The following FBXW8 variants were observed in gnomAD, a reference collection of about 807,000 sequenced individuals.
FBXW8 encodes F-box/WD repeat-containing protein 8.
Under a neutral mutation model 65.3 loss-of-function variants are expected in FBXW8, and 57 were observed. That is an observed-to-expected ratio of 0.87 (90% CI 0.71 to 1.09). The LOEUF (loss-of-function observed/expected upper bound fraction) is 1.09, where lower values mean the gene tolerates loss of function less well. Among genes scored for constraint, FBXW8 ranks in the 50% least tolerant of loss-of-function variants. The pLI, the probability that FBXW8 is intolerant of heterozygous loss-of-function variation, is 0.00. For synonymous variants in FBXW8, 308 were observed against 330.2 expected, an observed-to-expected ratio of 0.93 and a Z score of 0.73; for missense variants, 777 against 814.8, an observed-to-expected ratio of 0.95 and a Z score of 0.57.
Position 116,961,872 on chromosome 12 carries a change from G to A in FBXW8, c.678-2825G>A, listed in dbSNP as rs186277002. Among the ~76,000 whole-genome samples, 86 of 152,300 alleles carry A rather than the reference G, an allele frequency of 5.6e-4. No individual in the cohort carries two copies. Among genetic ancestry groups the A allele is most frequent in the Middle Eastern group, 3.4e-3 (1 of 294 alleles). On this transcript the variant is annotated intron_variant, in intron 4 of 10. Transcript: ENST00000652555. The surrounding 1 kb of genome is among the most constrained non-coding windows in gnomAD (Gnocchi z 4.4). ...AGGTGTTTTGAAGGGCTTGGCTTGT[G>A]GGGGGAGGATTGAATGGAAGAAGCT...
chr12:117,024,019 T>G, intron 8 of FBXW8, 128 bp from the exon 9 acceptor site: 1 of 882,828 alleles, frequency 1.1e-6, no homozygotes, highest in Non-Finnish European at 1.7e-6. Context: ...TTATCGATGT[T>G]TGTTTGCAGC....
chr12:116,926,985 G>T (rs764191798), intron 1 of FBXW8, among the ~76,000 whole-genome samples: 2 of 151,988 alleles, frequency 1.3e-5, no homozygotes, highest in African/African-American at 4.8e-5. Flanking sequence ...ACATAAGACC[G>T]CTGTATTTGA....
chr12:116,912,530 G>C (rs1045447624), intron 1 of FBXW8, among the ~76,000 whole-genome samples: 3 of 148,766 alleles, frequency 2.0e-5, no homozygotes, highest in African/African-American at 7.5e-5. Context: ...CGCGATCTCG[G>C]CTCACTGCAA....
intron 8 of FBXW8, among the ~76,000 whole-genome samples, chr12:117,017,281 A>G (rs1953974609): frequency 1.3e-5 from 2 of 152,250 alleles, no homozygotes. Context: ...GGTCTAGTAG[A>G]CCTCTTCAAG....
At chr12:116,976,985 CTG>C (rs1420177953) in intron 5 of FBXW8, among the ~76,000 whole-genome samples, 7 of 152,166 alleles carry the variant, frequency 4.6e-5, no homozygotes, top group African/African-American at 1.7e-4. Flanking sequence ...GTGATCCACT[CTG>C]GGCACAGGGG....
chr12:116,983,728 C>T (rs1027806009), intron 5 of FBXW8, among the ~76,000 whole-genome samples: 2 of 152,140 alleles, frequency 1.3e-5, no homozygotes, highest in African/African-American at 4.8e-5. Flanking sequence ...TACGGATGAT[C>T]AATAGAAGGG....
Position 116,964,803 on chromosome 12 carries a change from G to GTC in FBXW8, c.787_788dup (p.Phe264ProfsTer3). 6.2e-7 allele frequency: 1 copy of GTC among 1,613,186 alleles called. No individual in the cohort carries two copies. Among genetic ancestry groups the GTC allele is most frequent in the South Asian group, 1.1e-5 (1 of 91,024 alleles). On this transcript the variant is annotated frameshift_variant, in exon 5 of 11. Coordinates refer to ENST00000652555, the MANE Select transcript of FBXW8 (RefSeq NM_153348.3). LOFTEE classifies it high-confidence loss of function. ...GGATGAGCCTGGAATGCAGCCAAAT[G>GTC]TCTCCTTTGTGAGGATAAACAGCTC...
rs1420919925 is a variant in FBXW8, at chr12:116,961,370, A to AG, written c.678-3325dup. On this transcript the variant is annotated intron_variant, in intron 4 of 10. Transcript: ENST00000652555. This position sits in a 1 kb window ranked among gnomAD's most constrained non-coding sequence, Gnocchi z 4.4. ...CCAGGCTGGACCCCACTGGGCTGGG[A>AG]GGTGAGGAGGTGAGGTACTGCAGCA... Among the ~76,000 whole-genome samples the AG allele has an allele frequency of 6.6e-6, 1 of 152,002 alleles. No individual in the cohort carries two copies. The highest frequency in any genetic ancestry group is 1.9e-4 in the East Asian group (1 of 5,172).
chr12:116,937,696 C>G (rs1263789220), intron 2 of FBXW8, among the ~76,000 whole-genome samples: 1 of 151,818 alleles, frequency 6.6e-6, no homozygotes, highest in African/African-American at 2.4e-5. Context: ...GAAACTGAGA[C>G]AGTGAGTGCA....
chr12:117,020,713 G>C (rs988264531), intron 8 of FBXW8, among the ~76,000 whole-genome samples: 1 of 152,192 alleles, frequency 6.6e-6, no homozygotes, highest in Non-Finnish European at 1.5e-5. Context: ...CAGTGTGTTT[G>C]ATGAAACCAC....
chr12:116,955,850 G>A (rs1482539624), intron 4 of FBXW8, among the ~76,000 whole-genome samples: 1 of 152,178 alleles, frequency 6.6e-6, no homozygotes, highest in Non-Finnish European at 1.5e-5. Flanking sequence ...GGTGTCGTTT[G>A]CCATAAGTAG....
chr12:116,921,005 G>C (rs987905965), intron 1 of FBXW8, among the ~76,000 whole-genome samples: 1 of 152,140 alleles, frequency 6.6e-6, no homozygotes, highest in African/African-American at 2.4e-5. Context: ...TCAAAGCAGA[G>C]GCCCAGCCCA....
chr12:117,016,462 G>A (rs927720360), intron 8 of FBXW8, among the ~76,000 whole-genome samples: 7 of 151,828 alleles, frequency 4.6e-5, no homozygotes, highest in African/African-American at 1.7e-4. Context: ...TTTTAATTGG[G>A]CTGTCTTTAT....
Position 116,924,097 on chromosome 12 carries a change from T to C in FBXW8, c.319-3926T>C, listed in dbSNP as rs142433136. ...TCTCTATTTTAATATTTCTAATGTC[T>C]TTAATTCCTTTTCCTTCTTCTTGGA... On this transcript the variant is annotated intron_variant, in intron 1 of 10. Transcript: ENST00000652555. Among the ~76,000 whole-genome samples, 1,414 of 152,120 alleles carry C rather than the reference T, an allele frequency of 9.3e-3. 23 individuals carry two copies. Among genetic ancestry groups the C allele is most frequent in the African/African-American group, 0.032 (1,337 of 41,552 alleles).
Position 116,922,571 on chromosome 12 carries a change from G to T in FBXW8, c.319-5452G>T, listed in dbSNP as rs150719207. On this transcript the variant is annotated intron_variant, in intron 1 of 10. Coordinates refer to ENST00000652555, the MANE Select transcript of FBXW8 (RefSeq NM_153348.3). ...CTGCTTTGGCTCTTAGTAATTATCT[G>T]TTCTTCTATTAAACAAGAGAAGACA... 2.2e-4 allele frequency among the ~76,000 whole-genome samples: 33 copies of T among 152,232 alleles called. No individual in the cohort carries two copies. The East Asian group carries it at 5.6e-3, about 26-fold the overall frequency.
intron 6 of FBXW8, 93 bp from the exon 7 acceptor site, chr12:116,988,570 G>A: frequency 9.3e-7 from 1 of 1,079,560 alleles, no homozygotes; most frequent in Non-Finnish European, 1.4e-6. Flanking sequence ...CTGTTGGGTT[G>A]CTGGTCTTCT....
intron 2 of FBXW8, among the ~76,000 whole-genome samples, chr12:116,935,381 G>C (rs1882083445): frequency 6.6e-6 from 1 of 152,216 alleles, no homozygotes; most frequent in African/African-American, 2.4e-5. Flanking sequence ...AAGTCTGTGT[G>C]AGTCAGGAAT....
intron 7 of FBXW8, among the ~76,000 whole-genome samples, chr12:117,006,231 G>A (rs1275474926): frequency 1.3e-5 from 2 of 152,154 alleles, no homozygotes; most frequent in African/African-American, 2.4e-5. Flanking sequence ...TCATTCATCA[G>A]TATAGGACCA....
intron 5 of FBXW8, chr12:116,979,522 C>A (rs1343732567): frequency 6.6e-6 from 1 of 152,212 alleles, no homozygotes; most frequent in African/African-American, 2.4e-5. Flanking sequence ...TTTATTGGGC[C>A]AGTGGTCCTC....
Sources: allele counts gnomAD v4.1 joint callset (sites outside exome capture counted in the v4.1 genomes callset), GRCh38; gene constraint gnomAD v4.1.1; non-coding constraint Gnocchi (gnomAD v3.1); transcripts MANE v1.5; gene names NCBI Gene and HGNC (gene_info 2026-07-23, HGNC 2026-07-21).